Variants in NCK2 observed in about 807,000 individuals in gnomAD.
NCK2 encodes NCK adaptor protein 2, also known as cytoplasmic protein NCK2.
Under a neutral mutation model 33.9 loss-of-function variants are expected in NCK2, and 16 were observed. That is an observed-to-expected ratio of 0.47 (90% confidence interval 0.32 to 0.72). NCK2 has a LOEUF of 0.72. Among genes scored for constraint, NCK2 ranks in the 30% least tolerant of loss-of-function variants. The pLI, the probability that NCK2 is intolerant of heterozygous loss-of-function variation, is 0.03. For missense variants in NCK2, 418 were observed against 537.3 expected, an observed-to-expected ratio of 0.78 and a Z score of 2.19; for synonymous variants, 273 against 239.9, an observed-to-expected ratio of 1.14 and a Z score of -1.27.
At chr2:105,778,326 CAGGATCTGTTCTGTGTTCTAGCCTTG>C (rs1690378667) in intron 1 of NCK2, among the ~76,000 whole-genome samples, 1 of 152,224 alleles carries the variant, frequency 6.6e-6, no homozygotes, top group South Asian at 2.1e-4. Context: ...CTGGAGCCTT[CAGGATCTGTTCTGTGTTCTAGCCTTG>C]AGGAAAGAGC....
chr2:105,786,581 C>T (rs1174635878), intron 1 of NCK2, among the ~76,000 whole-genome samples: 1 of 152,154 alleles, frequency 6.6e-6, no homozygotes, highest in Non-Finnish European at 1.5e-5. Flanking sequence ...GCCGGCCTCG[C>T]GCGGTTATGA....
At chr2:105,820,179 G>C (rs1425843647) in intron 2 of NCK2, among the ~76,000 whole-genome samples, 1 of 152,230 alleles carries the variant, frequency 6.6e-6, no homozygotes, top group African/African-American at 2.4e-5. Flanking sequence ...AGGCTGATTG[G>C]ACCAGCTGGG....
At chr2:105,827,364 T>C (rs1675994526) in intron 2 of NCK2, among the ~76,000 whole-genome samples, 1 of 152,110 alleles carries the variant, frequency 6.6e-6, no homozygotes, top group Non-Finnish European at 1.5e-5. Flanking sequence ...TAAAAACTGC[T>C]AGAACTACAA....
chr2:105,891,610 G>A (rs1289447738), intron 4 of NCK2, among the ~76,000 whole-genome samples: 3 of 129,050 alleles, frequency 2.3e-5, no homozygotes, highest in African/African-American at 5.8e-5. Context: ...GTGCAGTGGC[G>A]TGATCTCAGC....
intron 2 of NCK2, among the ~76,000 whole-genome samples, chr2:105,837,005 G>A (rs1676460176): frequency 6.6e-6 from 1 of 152,174 alleles, no homozygotes; most frequent in South Asian, 2.1e-4. Flanking sequence ...AATGTGGTCT[G>A]CTGTGGACCT....
At chr2:105,883,210 G>A (rs895204588) in intron 4 of NCK2, among the ~76,000 whole-genome samples, 1 of 152,192 alleles carries the variant, frequency 6.6e-6, no homozygotes, top group Non-Finnish European at 1.5e-5. Flanking sequence ...CAAGTCACCA[G>A]AGTTTATCAT....
intron 2 of NCK2, among the ~76,000 whole-genome samples, chr2:105,818,310 G>A (rs1675580093): frequency 7.3e-6 from 1 of 136,178 alleles, no homozygotes; most frequent in African/African-American, 2.7e-5. Context: ...GATAGCATTA[G>A]GAGATATACC....
At chr2:105,752,901 C>T (rs1011960689) in intron 1 of NCK2, among the ~76,000 whole-genome samples, 2 of 152,184 alleles carry the variant, frequency 1.3e-5, no homozygotes, top group Admixed American at 6.5e-5. Context: ...TTCTCTCCCA[C>T]ACGGACACAG....
intron 3 of NCK2, among the ~76,000 whole-genome samples, chr2:105,879,861 G>A (rs1678400238): frequency 6.6e-6 from 1 of 152,260 alleles, no homozygotes. Flanking sequence ...AGGGGTACAA[G>A]CTACCCATGG....
chr2:105,791,887 C>A (rs748866548), intron 1 of NCK2, among the ~76,000 whole-genome samples: 18 of 152,112 alleles, frequency 1.2e-4, no homozygotes, highest in Admixed American at 3.9e-4. Context: ...ACTGATTTTT[C>A]TTTTTGGGAG....
chr2:105,847,770 A>G (rs1282534719), intron 2 of NCK2, among the ~76,000 whole-genome samples: 3 of 152,202 alleles, frequency 2.0e-5, no homozygotes, highest in Non-Finnish European at 4.4e-5. Context: ...TTAAATTTAC[A>G]TTTTATAATA....
At chr2:105,891,604 AG>A (rs1420386365) in intron 4 of NCK2, among the ~76,000 whole-genome samples, 2 of 121,464 alleles carry the variant, frequency 1.6e-5, no homozygotes, top group African/African-American at 6.5e-5. Flanking sequence ...ACCAGAGTGC[AG>A]TGGCGTGATC....
intron 2 of NCK2, among the ~76,000 whole-genome samples, chr2:105,844,543 A>T (rs1676775649): frequency 6.6e-6 from 1 of 150,494 alleles, no homozygotes; most frequent in Non-Finnish European, 1.5e-5. Context: ...AACATGATGA[A>T]ACCCCCATCT....
rs151211966 is a variant in NCK2, at chr2:105,791,343, C to A, written c.-200-25087C>A. ...CTCCCACGTAACCTCTGTGCCTTCACGTTTTTCTCTTCACTCCAGAAGAAG... is the reference window on the plus strand; with the variant it reads ...CTCCCACGTAACCTCTGTGCCTTCAAGTTTTTCTCTTCACTCCAGAAGAAG... On this transcript the variant is annotated intron_variant, in intron 1 of 4. Transcript: ENST00000233154. Among the ~76,000 whole-genome samples the A allele has an allele frequency of 5.9e-5, 9 of 152,262 alleles. No homozygotes were observed. In the South Asian group the frequency reaches 1.7e-3, roughly 28 times the overall value.
At chr2:105,803,602 T>G (rs1217633113) in intron 1 of NCK2, among the ~76,000 whole-genome samples, 1 of 152,180 alleles carries the variant, frequency 6.6e-6, no homozygotes, top group Non-Finnish European at 1.5e-5. Context: ...GCATCCAGTT[T>G]CAAAGCAAGT....
At chr2:105,774,474 T>C (rs1690240534) in intron 1 of NCK2, among the ~76,000 whole-genome samples, 1 of 152,104 alleles carries the variant, frequency 6.6e-6, no homozygotes, top group Non-Finnish European at 1.5e-5. Flanking sequence ...TTGGTCAGAA[T>C]CTGGTGGCCC....
intron 1 of NCK2, among the ~76,000 whole-genome samples, chr2:105,810,928 C>T (rs371945251): frequency 7.2e-5 from 11 of 152,282 alleles, no homozygotes; most frequent in African/African-American, 2.6e-4. Context: ...GTAATCTCAG[C>T]ACTTTGGGAG....
intron 1 of NCK2, among the ~76,000 whole-genome samples, chr2:105,791,130 G>T (rs999387248): frequency 6.6e-6 from 1 of 152,126 alleles, no homozygotes; most frequent in African/African-American, 2.4e-5. Flanking sequence ...TGCGGCCCTG[G>T]GCTCAGCCAC....
intron 3 of NCK2, among the ~76,000 whole-genome samples, chr2:105,858,137 A>G (rs909699196): frequency 1.3e-5 from 2 of 151,338 alleles, no homozygotes; most frequent in Non-Finnish European, 1.5e-5. Context: ...TTAAACAGGT[A>G]TACCATCAGA....
Sources: allele counts gnomAD v4.1 joint callset (sites outside exome capture counted in the v4.1 genomes callset), GRCh38; gene constraint gnomAD v4.1.1; transcripts MANE v1.5; gene names NCBI Gene and HGNC (gene_info 2026-07-23, HGNC 2026-07-21).